Variants in RBFOX2 observed in about 807,000 individuals in gnomAD.
RBFOX2 encodes RNA binding protein fox-1 homolog 2.
In RBFOX2, 10 loss-of-function variants were observed where a neutral mutation model predicts 49.1. That is an observed-to-expected ratio of 0.20 (90% confidence interval 0.13 to 0.35). The LOEUF is 0.35. RBFOX2 is among the 10% of genes least tolerant of loss of function. The pLI is 1.00. For missense variants in RBFOX2, 323 were observed against 486.9 expected, an observed-to-expected ratio of 0.66 and a Z score of 3.17; for synonymous variants, 183 against 187.4, an observed-to-expected ratio of 0.98 and a Z score of 0.19.
intron 1 of RBFOX2, among the ~76,000 whole-genome samples, chr22:35,860,835 T>G (rs1333017539): frequency 1.3e-5 from 2 of 152,314 alleles, no homozygotes; most frequent in East Asian, 3.9e-4. Flanking sequence ...ATCTCTCCAC[T>G]TCATTCCACT....
At chr22:35,923,303 T>C (rs1037593703) in intron 1 of RBFOX2, among the ~76,000 whole-genome samples, 1 of 152,184 alleles carries the variant, frequency 6.6e-6, no homozygotes, top group Admixed American at 6.5e-5. Context: ...CAGAGCCTTA[T>C]GGGGGAAAGG....
chr22:35,783,217 T>C (rs1945582656), intron 2 of RBFOX2, among the ~76,000 whole-genome samples: 1 of 152,130 alleles, frequency 6.6e-6, no homozygotes, highest in Non-Finnish European at 1.5e-5. Context: ...GTTCCCATGT[T>C]ACACAGGAGG....
At chr22:35,771,665 T>C (rs941750159) in intron 4 of RBFOX2, among the ~76,000 whole-genome samples, 5 of 152,212 alleles carry the variant, frequency 3.3e-5, no homozygotes, top group African/African-American at 1.2e-4. Flanking sequence ...TTTTCTCTCA[T>C]GTTTAAACTT....
chr22:35,869,469 CAAAAAAAAAAAAAAAAAAAAAA>C (rs35854576), intron 1 of RBFOX2, among the ~76,000 whole-genome samples: 5 of 30,570 alleles, frequency 1.6e-4, no homozygotes, highest in East Asian at 2.7e-3. Context: ...AACGGCTGAC[CAAAAAAAAAAAAAAAAAAAAAA>C]AAAAAAAAAA....
intron 1 of RBFOX2, among the ~76,000 whole-genome samples, chr22:35,968,755 A>G (rs1198891102): frequency 1.3e-5 from 2 of 152,186 alleles, no homozygotes; most frequent in Non-Finnish European, 2.9e-5. Context: ...AGGTGTGGAA[A>G]ACAGACATAG....
At chr22:35,865,581 G>A (rs531621982) in intron 1 of RBFOX2, among the ~76,000 whole-genome samples, 43 of 151,884 alleles carry the variant, frequency 2.8e-4, no homozygotes, top group African/African-American at 9.4e-4. Flanking sequence ...TTTTTTGATG[G>A]TGATAGAAGA....
intron 1 of RBFOX2, among the ~76,000 whole-genome samples, chr22:35,872,404 C>T (rs117836479): frequency 0.027 from 4,070 of 152,304 alleles, 86 homozygotes; most frequent in Non-Finnish European, 0.041. Flanking sequence ...TCAGCTCAAT[C>T]AGACCCTCTA....
chr22:35,984,371 A>G (rs995741548), intron 1 of RBFOX2, among the ~76,000 whole-genome samples: 2 of 152,194 alleles, frequency 1.3e-5, no homozygotes, highest in Non-Finnish European at 2.9e-5. Context: ...TTAGTCCATT[A>G]TATACTCTAA....
At chr22:35,905,071 C>T (rs530848627) in intron 1 of RBFOX2, among the ~76,000 whole-genome samples, 3 of 152,232 alleles carry the variant, frequency 2.0e-5, no homozygotes, top group South Asian at 2.1e-4. Context: ...AAATTTTCAT[C>T]GGCAGGAAAA....
intron 1 of RBFOX2, among the ~76,000 whole-genome samples, chr22:35,967,481 A>C (rs2149991644): frequency 6.6e-6 from 1 of 152,236 alleles, no homozygotes; most frequent in African/African-American, 2.4e-5. Context: ...TGAATTAAGC[A>C]AGATTACATT....
At chr22:35,881,669 G>T (rs972455196) in intron 1 of RBFOX2, among the ~76,000 whole-genome samples, 1 of 150,328 alleles carries the variant, frequency 6.7e-6, no homozygotes, top group Non-Finnish European at 1.5e-5. Flanking sequence ...TTAATTATAA[G>T]AAAACTTAGG....
intron 2 of RBFOX2, among the ~76,000 whole-genome samples, chr22:35,796,549 A>G (rs1308145982): frequency 2.6e-5 from 4 of 152,208 alleles, no homozygotes; most frequent in Non-Finnish European, 5.9e-5. Context: ...GTCTTCTTTG[A>G]TAATACATCA....
At chr22:35,922,033 T>C (rs142339278) in intron 1 of RBFOX2, among the ~76,000 whole-genome samples, 1 of 152,280 alleles carries the variant, frequency 6.6e-6, no homozygotes, top group African/African-American at 2.4e-5. Context: ...AGCCCATATG[T>C]AGGCAAGACA....
At chr22:35,771,864 G>C (rs1452176022) in intron 4 of RBFOX2, among the ~76,000 whole-genome samples, 1 of 152,092 alleles carries the variant, frequency 6.6e-6, no homozygotes, top group Non-Finnish European at 1.5e-5. Flanking sequence ...AGGTTTAAAA[G>C]TTATCAGTAG....
intron 1 of RBFOX2, among the ~76,000 whole-genome samples, chr22:35,858,858 A>G (rs929496988): frequency 6.6e-6 from 1 of 152,070 alleles, no homozygotes; most frequent in Admixed American, 6.6e-5. Context: ...AATTAAGCTA[A>G]AACAGTTTAT....
rs889528156 is a variant in RBFOX2 at position 35,876,143 on chromosome 22, C to T, written c.-34+62704G>A. Among the ~76,000 whole-genome samples, 10 of 152,068 alleles carry T rather than the reference C, an allele frequency of 6.6e-5. No homozygotes were observed. In the South Asian group the frequency reaches 1.0e-3, roughly 16 times the overall value. ...ATGGCCTTAATAACTGATGAATGAA[C>T]GGGCTAAATATGTACTAGAAAAAGA... On this transcript the variant is annotated intron_variant, in intron 1 of 13. Transcript: ENST00000359369.
chr22:35,894,540 T>C (rs1386018935), intron 1 of RBFOX2, among the ~76,000 whole-genome samples: 4 of 152,078 alleles, frequency 2.6e-5, no homozygotes, highest in Non-Finnish European at 4.4e-5. Context: ...CCTGCCCCAC[T>C]TGCCTTCTCC....
chr22:35,926,791 A>G (rs747817837), intron 1 of RBFOX2, among the ~76,000 whole-genome samples: 1 of 152,218 alleles, frequency 6.6e-6, no homozygotes, highest in Non-Finnish European at 1.5e-5. Flanking sequence ...TGACACTCCC[A>G]GGACCCACAA....
At chr22:36,010,413 G>A (rs770409929) in intron 1 of RBFOX2, among the ~76,000 whole-genome samples, 9 of 151,972 alleles carry the variant, frequency 5.9e-5, no homozygotes, top group South Asian at 2.1e-4. Context: ...GAGACTGCGC[G>A]GGCCTAATTC....
Sources: gnomAD v4.1 joint callset for allele counts (sites outside exome capture counted in the v4.1 genomes callset) on GRCh38, gnomAD v4.1.1 for gene constraint, MANE v1.5 for transcripts, NCBI Gene and HGNC (gene_info 2026-07-23, HGNC 2026-07-21) for gene names.